The following NRXN2 variants were observed in gnomAD, a reference collection of about 807,000 sequenced individuals.
NRXN2 encodes the protein neurexin-2-beta.
Under a neutral mutation model 128.8 loss-of-function variants are expected in NRXN2, and 29 were observed. That is an observed-to-expected ratio of 0.23 (90% CI 0.17 to 0.31). NRXN2 has a LOEUF of 0.31. Among genes scored for constraint, NRXN2 ranks in the 10% least tolerant of loss-of-function variants. NRXN2 has a pLI of 1.00. For missense variants in NRXN2, 1,881 were observed against 2,452.6 expected (o/e 0.77, Z 4.92); for synonymous variants, 1,098 against 1,075.2 (o/e 1.02, Z -0.41).
Position 64,607,429 on chromosome 11 carries a change from T to C in NRXN2, c.4906A>G (p.Thr1636Ala). The change falls in exon 23 of 23, where the codon ACG becomes GCG. Residue 1636 changes from threonine to alanine, a missense_variant. Thr to Ala is a moderately conservative substitution (Grantham distance 58). Transcript: ENST00000265459. ...GCCACAATGCCCACCACCATGCCCG[T>C]GGTGCTGCTGGACTCCCGGATCACC... Reference protein sequence around the residue: ...VEVIRESSSTTGMVVGIVAAA... With the variant: ...VEVIRESSSTAGMVVGIVAAA... 2 of 1,612,810 alleles carry C rather than the reference T, an allele frequency of 1.2e-6. No individual in the cohort carries two copies. Among genetic ancestry groups the C allele is most frequent in the Non-Finnish European group, 1.7e-6 (2 of 1,179,852 alleles).
intron 2 of NRXN2, among the ~76,000 whole-genome samples, chr11:64,705,399 A>G (rs1301127872): frequency 2.0e-5 from 3 of 152,090 alleles, no homozygotes; most frequent in African/African-American, 7.2e-5. Context: ...GGGATAAAAC[A>G]TCGAAGACAC....
intron 3 of NRXN2, among the ~76,000 whole-genome samples, chr11:64,697,139 T>G (rs984807368): frequency 6.6e-5 from 10 of 152,180 alleles, no homozygotes; most frequent in Middle Eastern, 3.4e-3. Context: ...CCCTCCGACC[T>G]GGATGAAGGA....
chr11:64,701,629 C>T (rs547350193), intron 2 of NRXN2, among the ~76,000 whole-genome samples: 3 of 152,306 alleles, frequency 2.0e-5, no homozygotes, highest in Non-Finnish European at 4.4e-5. Context: ...CTCCCAGCTA[C>T]TTGGGAGACT....
In NRXN2 at chr11:64,676,676, G is replaced by A. The variant is rs988040612; in HGVS notation, c.1197+317C>T. 36 of 470,682 alleles carry A rather than the reference G, an allele frequency of 7.6e-5. 1 individual carries two copies. The Admixed American group carries it at 9.9e-4, about 13-fold the overall frequency. 29.2% of individuals were successfully genotyped at this position (470,682 alleles called of 1,614,324 possible). A position where few individuals can be genotyped will look rare whatever the true frequency, so the allele number is the denominator to read the frequency against. ...CATCGGGGCTGGTCTAACCAGAGCC[G>A]ATGAACATGGGGCCTGCCCCCAGGT... On this transcript the variant is annotated intron_variant, in intron 7 of 22. Transcript: ENST00000265459.
chr11:64,651,928 A>G lies in NRXN2; in HGVS notation c.2536+107T>C, dbSNP rs1310341101. Reference sequence around the variant, plus strand: ...GGAGAAATGGCAGAGGCAGCTTGCCAGAACACTGCCCTAGGAATGGCAGCC... The same window carrying G: ...GGAGAAATGGCAGAGGCAGCTTGCCGGAACACTGCCCTAGGAATGGCAGCC... On this transcript the variant is annotated intron_variant, in intron 13 of 22. Coordinates refer to ENST00000265459, the MANE Select transcript of NRXN2 (RefSeq NM_015080.4). This position sits in a 1 kb window ranked among gnomAD's most constrained non-coding sequence, Gnocchi z 5.9. 1 of 1,545,432 alleles carries G rather than the reference A, an allele frequency of 6.5e-7. No homozygotes were observed. Among genetic ancestry groups the G allele is most frequent in the African/African-American group, 1.4e-5 (1 of 73,844 alleles).
At chr11:64,709,106 C>T (rs867610295) in intron 2 of NRXN2, among the ~76,000 whole-genome samples, 2 of 150,714 alleles carry the variant, frequency 1.3e-5, no homozygotes, top group African/African-American at 2.4e-5. Flanking sequence ...GCAGGAGAAT[C>T]GCTTGAGCCC....
intron 3 of NRXN2, among the ~76,000 whole-genome samples, chr11:64,693,430 G>A (rs919895375): frequency 6.6e-6 from 1 of 151,936 alleles, no homozygotes; most frequent in Non-Finnish European, 1.5e-5. Context: ...TGGAGAGAGA[G>A]AGAGTGTCCT....
chr11:64,619,313 A>G (rs1221528011), intron 22 of NRXN2, among the ~76,000 whole-genome samples: 1 of 151,448 alleles, frequency 6.6e-6, no homozygotes, highest in Non-Finnish European at 1.5e-5. Context: ...CCACTGGGAA[A>G]TCTGGCCACA....
rs1565439246 is a variant in NRXN2 at position 64,697,544 on chromosome 11, G to GC, written c.748+230_748+231insG. 1.8e-4 allele frequency among the ~76,000 whole-genome samples: 28 copies of GC among 152,044 alleles called. 1 individual carries two copies. The South Asian group carries it at 4.4e-3, about 24-fold the overall frequency. On this transcript the variant is annotated intron_variant, in intron 3 of 22. Transcript: ENST00000265459. ...CTAAGTTTCCCTTTCCCTCTCCAGC[G>GC]TGGAGAGGGAAAGGAAGAAGAAAGG...
At position 64,713,287 on chromosome 11, in the gene NRXN2, C is replaced by T; in HGVS notation, c.413G>A (p.Arg138His). Residue 138 changes from arginine to histidine, a missense_variant, in exon 2 of 23, where the codon CGC (arginine) becomes CAC (histidine). Coordinates refer to ENST00000265459, the MANE Select transcript of NRXN2 (RefSeq NM_015080.4). ...CACCTGCATCTCGCGCCGCTTGGAG[C>T]GCACCTCGGCGGCGCGGGCCTCGCC... ...VDGEARAAEV[R>H]SKRREMQVAS... 7.2e-7 allele frequency: 1 copy of T among 1,381,098 alleles called. No homozygotes were observed. Among genetic ancestry groups the T allele is most frequent in the Non-Finnish European group, 9.3e-7 (1 of 1,071,234 alleles). 85.6% of individuals were successfully genotyped at this position (1,381,098 alleles called of 1,614,324 possible). A position where few individuals can be genotyped will look rare whatever the true frequency, so the allele number is the denominator to read the frequency against.
chr11:64,657,648 G>T (rs7117423), intron 11 of NRXN2, among the ~76,000 whole-genome samples: 38,305 of 152,086 alleles, frequency 0.25, 5,291 homozygotes, highest in East Asian at 0.48. Context: ...TTACCCAACA[G>T]TAAAAGATAC....
rs770105914 is a variant in NRXN2 at position 64,660,936 on chromosome 11, G to C, written c.2002C>G (p.Arg668Gly). The change falls in exon 10 of 23, where the codon CGA (arginine) becomes GGA (glycine). Residue 668 changes from arginine to glycine, a missense_variant. Transcript: ENST00000265459. The surrounding 1 kb of genome is among the most constrained non-coding windows in gnomAD (Gnocchi z 5.2). ...GCCTCAGCCAGGCCCCGGAGGTCTCGGCTACGCCCATCTATGAAGAGGTCC... is the reference window on the plus strand; with the variant it reads ...GCCTCAGCCAGGCCCCGGAGGTCTCCGCTACGCCCATCTATGAAGAGGTCC... Reference protein sequence around the residue: ...VRDLFIDGRSRDLRGLAEAQG... With the variant: ...VRDLFIDGRSGDLRGLAEAQG... 1.2e-6 allele frequency: 2 copies of C among 1,613,788 alleles called. No homozygotes were observed. Among genetic ancestry groups the C allele is most frequent in the Non-Finnish European group, 1.7e-6 (2 of 1,179,940 alleles).
In NRXN2 at chr11:64,622,799, G is replaced by T; in HGVS notation, c.4127C>A (p.Thr1376Asn). 1 of 1,612,634 alleles carries T rather than the reference G, an allele frequency of 6.2e-7. No individual in the cohort carries two copies. The highest frequency in any genetic ancestry group is 8.5e-7 in the Non-Finnish European group (1 of 1,179,990). The change falls in exon 21 of 23, where the codon ACC (threonine) becomes AAC (asparagine). Residue 1376 changes from threonine (T) to asparagine (N), a missense_variant. By Grantham distance (65) the Thr-to-Asn change is moderately conservative (BLOSUM62 0). This residue lies in a region of NRXN2 where 108 missense variants were observed against 165.2 expected (regional missense o/e 0.65). Transcript: ENST00000265459. This position sits in a 1 kb window ranked among gnomAD's most constrained non-coding sequence, Gnocchi z 4.3. ...TGTGGGGGAGCGGCCCCGGCGCGTG[G>T]TGGTAGTGGCCATGGTGGTGGTAGT... is the stretch of plus-strand genomic sequence containing the variant. ...METTTTMATT[T>N]TRRGRSPTLR...
At chr11:64,719,737 G>A (rs1196763855) in intron 1 of NRXN2, among the ~76,000 whole-genome samples, 1 of 152,222 alleles carries the variant, frequency 6.6e-6, no homozygotes, top group African/African-American at 2.4e-5. Flanking sequence ...GCACAGCTGG[G>A]GCACAGCAGC....
At position 64,650,515 on chromosome 11, in the gene NRXN2, G is replaced by A. The variant is rs748430702; in HGVS notation, c.3042C>T (p.His1014=). 35 of 1,614,212 alleles carry A rather than the reference G, an allele frequency of 2.2e-5. No individual in the cohort carries two copies. In the South Asian group the frequency reaches 3.4e-4, roughly 16 times the overall value. ...CAGTGCGGGAGTCAATCTTGAGCGT[G>A]TGCACGTTGCCTGGGTCCCTGGACA... is the stretch of plus-strand genomic sequence containing the variant. ...VVVSRDPGNV[H]TLKIDSRTVT... is the part of the protein sequence containing the mutation. The change falls in exon 15 of 23, where the codon CAC becomes CAT. Residue 1014 remains histidine, a synonymous_variant. Transcript: ENST00000265459.
chr11:64,612,259 G>T (rs905607029), intron 22 of NRXN2, among the ~76,000 whole-genome samples: 5 of 152,136 alleles, frequency 3.3e-5, no homozygotes, highest in Non-Finnish European at 7.4e-5. Flanking sequence ...ACCGCTGCCC[G>T]TGCTGCTGGG....
intron 22 of NRXN2, among the ~76,000 whole-genome samples, chr11:64,608,341 TC>T: frequency 6.7e-6 from 1 of 149,826 alleles, no homozygotes; most frequent in East Asian, 2.0e-4. Flanking sequence ...TCTTAAGAAA[TC>T]AAAAGGAACA....
chr11:64,635,394 G>A lies in NRXN2; in HGVS notation c.3462C>T (p.Pro1154=). ...CCATCCTCGTGCTGGGCCTGTCATTGGGGGGCCACGTGTAGGTGATGAGCG... is the reference window on the plus strand; with the variant it reads ...CCATCCTCGTGCTGGGCCTGTCATTAGGGGGCCACGTGTAGGTGATGAGCG... ...GGALITYTWP[P]NDRPSTRMDR... is the part of the protein sequence containing the mutation. The change falls in exon 18 of 23, where the codon CCC becomes CCT. Residue 1154 remains proline (P), a synonymous_variant. Coordinates refer to ENST00000265459, the MANE Select transcript of NRXN2 (RefSeq NM_015080.4). The surrounding 1 kb of genome is among the most constrained non-coding windows in gnomAD (Gnocchi z 4.8). 6.2e-7 allele frequency: 1 copy of A among 1,613,756 alleles called. No homozygotes were observed. The highest frequency in any genetic ancestry group is 8.5e-7 in the Non-Finnish European group (1 of 1,179,998).
At chr11:64,696,733 C>T (rs548397305) in intron 3 of NRXN2, among the ~76,000 whole-genome samples, 1 of 152,176 alleles carries the variant, frequency 6.6e-6, no homozygotes, top group African/African-American at 2.4e-5. Flanking sequence ...TGGCACTTTC[C>T]TCTCCTCCTC....
Sources: gnomAD v4.1 joint callset for allele counts (sites outside exome capture counted in the v4.1 genomes callset) on GRCh38, gnomAD v4.1.1 for gene constraint, gnomAD v4.1.1 regional missense constraint, Gnocchi (gnomAD v3.1) non-coding constraint, MANE v1.5 for transcripts, NCBI Gene and HGNC (gene_info 2026-07-23, HGNC 2026-07-21) for gene names.